The following IQUB variants were observed in gnomAD, a reference collection of about 807,000 sequenced individuals.
The protein encoded by IQUB is IQ motif and ubiquitin domain containing.
IQUB carries 86 observed loss-of-function variants against 86.4 expected under a neutral mutation model. The ratio of observed to expected loss-of-function variants is 1.00; its 90% CI spans 0.84 to 1.19. IQUB has a LOEUF of 1.19. Ranked by LOEUF, IQUB falls within the 50% of genes most tolerant of loss-of-function variation. The probability of loss-of-function intolerance (pLI) is 0.00; values close to 1 mark genes in which losing one functional copy is unlikely to be tolerated. For synonymous variants in IQUB, 289 were observed against 304.5 expected (o/e 0.95, Z 0.53); for missense variants, 946 against 916.9 (o/e 1.03, Z -0.41).
intron 6 of IQUB, among the ~76,000 whole-genome samples, chr7:123,500,703 C>T (rs1172127400): frequency 4.6e-5 from 7 of 152,118 alleles, no homozygotes; most frequent in Non-Finnish European, 8.8e-5. Flanking sequence ...TCCAATTCAC[C>T]TTTCAAGACT....
intron 7 of IQUB, among the ~76,000 whole-genome samples, chr7:123,491,026 C>T (rs1169251721): frequency 6.6e-6 from 1 of 151,064 alleles, no homozygotes. Context: ...AAATTACATT[C>T]TCTCATTACA....
intron 7 of IQUB, among the ~76,000 whole-genome samples, chr7:123,487,129 T>C (rs1795243740): frequency 6.6e-6 from 1 of 152,116 alleles, no homozygotes; most frequent in African/African-American, 2.4e-5. Flanking sequence ...AGCACCTCCT[T>C]CTTCACTCTC....
intron 8 of IQUB, among the ~76,000 whole-genome samples, chr7:123,475,753 G>A (rs1794722967): frequency 6.6e-6 from 1 of 152,060 alleles, no homozygotes; most frequent in Admixed American, 6.6e-5. Context: ...GACACTCAGA[G>A]GCTTCCAGCT....
chr7:123,512,679 G>A (rs575210084), intron 1 of IQUB, among the ~76,000 whole-genome samples: 3 of 152,088 alleles, frequency 2.0e-5, no homozygotes, highest in East Asian at 1.9e-4. Flanking sequence ...TTCTGAATAC[G>A]AAACTGATGG....
intron 1 of IQUB, among the ~76,000 whole-genome samples, chr7:123,513,061 G>A (rs977421970): frequency 2.6e-5 from 4 of 152,146 alleles, no homozygotes; most frequent in African/African-American, 9.7e-5. Flanking sequence ...GGAAAATAGG[G>A]AAGGTAGCCC....
intron 3 of IQUB, among the ~76,000 whole-genome samples, chr7:123,504,996 A>T (rs2117219661): frequency 6.6e-6 from 1 of 152,346 alleles, no homozygotes; most frequent in Non-Finnish European, 1.5e-5. Flanking sequence ...GGCATTGGGT[A>T]AATATACCCA....
intron 10 of IQUB, 77 bp from the exon 11 acceptor site, chr7:123,461,682 C>A (rs1447107087): frequency 8.2e-7 from 1 of 1,223,866 alleles, no homozygotes; most frequent in Admixed American, 3.2e-5. Context: ...CCAATGGAAG[C>A]ATCAAAGGCT....
chr7:123,524,063 ATC>A (rs752163687), intron 1 of IQUB, among the ~76,000 whole-genome samples: 8,730 of 145,184 alleles, frequency 0.06, 293 homozygotes, highest in Non-Finnish European at 0.076. Context: ...ATTGATCTAT[ATC>A]TCTGTTTTGG....
intron 11 of IQUB, 134 bp downstream of exon 11, chr7:123,461,223 C>A (rs1793964270): frequency 2.3e-6 from 2 of 882,914 alleles, no homozygotes; most frequent in Admixed American, 2.4e-5. Flanking sequence ...ATACTCCTGC[C>A]CTCACAGAGC....
At chr7:123,464,688 ATCAT>A in intron 10 of IQUB, 141 bp downstream of exon 10, 1 of 493,768 alleles carries the variant, frequency 2.0e-6, no homozygotes, top group Non-Finnish European at 3.6e-6. Context: ...ATAACAAAAT[ATCAT>A]TCAAAGGAGA....
chr7:123,469,214 C>A lies in IQUB; in HGVS notation c.1581G>T (p.Lys527Asn). The A allele has an allele frequency of 1.3e-6, 2 of 1,552,322 alleles. No homozygotes were observed. Among genetic ancestry groups the A allele is most frequent in the Non-Finnish European group, 8.7e-7 (1 of 1,151,784 alleles). ...CCAAACTAAGAGAAAGTTAACATAC[C>A]TTTACAGTGTGTTTAAGAGTTAACA... ...DVLLTLKHTVKEHECKLTQEI... is the reference protein window; with the variant it reads ...DVLLTLKHTVNEHECKLTQEI... Residue 527 changes from lysine to asparagine, a missense_variant and splice_region_variant, in exon 9 of 13, where the codon AAG becomes AAT. Coordinates refer to ENST00000324698, the MANE Select transcript of IQUB (RefSeq NM_178827.5).
intron 10 of IQUB, 150 bp from the exon 11 acceptor site, chr7:123,461,755 T>A (rs977983061): frequency 1.3e-5 from 8 of 616,518 alleles, no homozygotes; most frequent in Non-Finnish European, 2.0e-5. Context: ...AATTTTATTT[T>A]TCCCTGAACT....
At chr7:123,525,087 G>A in intron 1 of IQUB, among the ~76,000 whole-genome samples, 1 of 152,192 alleles carries the variant, frequency 6.6e-6, no homozygotes, top group African/African-American at 2.4e-5. Context: ...TTCATGTGCT[G>A]CTGGATTCGG....
At chr7:123,497,605 T>C (rs1795759272) in intron 6 of IQUB, among the ~76,000 whole-genome samples, 1 of 151,986 alleles carries the variant, frequency 6.6e-6, no homozygotes, top group African/African-American at 2.4e-5. Flanking sequence ...TGAGAGTTTA[T>C]AATTTTATTT....
intron 7 of IQUB, among the ~76,000 whole-genome samples, chr7:123,488,450 G>A (rs942233382): frequency 6.6e-6 from 1 of 152,128 alleles, no homozygotes; most frequent in East Asian, 1.9e-4. Context: ...GTGGGAGGTA[G>A]GTACTGACAG....
rs1050539036 is a variant in IQUB, at chr7:123,494,475, A to AT, written c.1234+2220dup. Among the ~76,000 whole-genome samples the AT allele has an allele frequency of 1.3e-5, 2 of 152,244 alleles. 1 individual carries two copies. The highest frequency in any genetic ancestry group is 4.8e-5 in the African/African-American group (2 of 41,566). ...AAATTATTGAGCTTGTAAACCACAG[A>AT]TTTTTTAACAGAACTTAAAAATTAT... On this transcript the variant is annotated intron_variant, in intron 7 of 12. Coordinates refer to ENST00000324698, the MANE Select transcript of IQUB (RefSeq NM_178827.5).
intron 7 of IQUB, among the ~76,000 whole-genome samples, chr7:123,493,731 A>ATGTGTGTGTGTGTGTGTG (rs71161484): frequency 4.4e-5 from 5 of 112,660 alleles, no homozygotes; most frequent in African/African-American, 1.2e-4. Context: ...ATGTGTGTGT[A>ATGTGTGTGTGTGTGTGTG]TGTGTGTGTG....
At chr7:123,502,879 A>G in intron 5 of IQUB, 65 bp downstream of exon 5, 2 of 1,434,444 alleles carry the variant, frequency 1.4e-6, no homozygotes, top group Non-Finnish European at 1.9e-6. Flanking sequence ...AATTTGAGAG[A>G]GTCATACAGT....
intron 1 of IQUB, among the ~76,000 whole-genome samples, chr7:123,533,936 C>A (rs970998569): frequency 6.6e-6 from 1 of 152,226 alleles, no homozygotes; most frequent in Non-Finnish European, 1.5e-5. Context: ...TTTTCACCTA[C>A]ATTTCATTCC....
Sources: gnomAD v4.1 joint callset for allele counts (sites outside exome capture counted in the v4.1 genomes callset) on GRCh38, gnomAD v4.1.1 for gene constraint, MANE v1.5 for transcripts, NCBI Gene and HGNC (gene_info 2026-07-23, HGNC 2026-07-21) for gene names.